Variants in CALN1 observed in about 807,000 individuals in gnomAD.
The protein encoded by CALN1 is calneuron 1, also known as calcium-binding protein 8.
A neutral mutation model predicts 30.6 loss-of-function variants in CALN1; 17 were observed. That is an observed-to-expected ratio of 0.56 (90% CI 0.38 to 0.83). The LOEUF (loss-of-function observed/expected upper bound fraction) is 0.83. CALN1 is among the 40% of genes least tolerant of loss of function. The probability of loss-of-function intolerance (pLI) is 0.00; values close to 1 mark genes in which losing one functional copy is unlikely to be tolerated. For synonymous variants in CALN1, 156 were observed against 131.4 expected (o/e 1.19, Z -1.28); for missense variants, 291 against 354.9 (o/e 0.82, Z 1.45).
intron 2 of CALN1, among the ~76,000 whole-genome samples, chr7:72,399,839 C>T (rs372133680): frequency 1.3e-5 from 2 of 152,194 alleles, no homozygotes; most frequent in East Asian, 1.9e-4. Context: ...GTCATGCAGG[C>T]GGATGCCTCA....
intron 3 of CALN1, among the ~76,000 whole-genome samples, chr7:72,153,408 T>C (rs1016773176): frequency 2.6e-5 from 4 of 151,920 alleles, no homozygotes; most frequent in African/African-American, 9.7e-5. Flanking sequence ...GCCAGGTGCA[T>C]TGGCTCACTC....
At chr7:71,837,479 C>T (rs1789691725) in intron 5 of CALN1, among the ~76,000 whole-genome samples, 1 of 152,012 alleles carries the variant, frequency 6.6e-6, no homozygotes, top group African/African-American at 2.4e-5. Context: ...AGAGAGATTC[C>T]AGGACACAAT....
chr7:72,259,921 G>A (rs1049016537), intron 3 of CALN1, among the ~76,000 whole-genome samples: 1 of 152,088 alleles, frequency 6.6e-6, no homozygotes, highest in Non-Finnish European at 1.5e-5. Context: ...ATGCAAAAAG[G>A]ATCTCATCAG....
chr7:72,071,328 C>T (rs1426803088), intron 4 of CALN1, among the ~76,000 whole-genome samples: 1 of 152,160 alleles, frequency 6.6e-6, no homozygotes, highest in Non-Finnish European at 1.5e-5. Flanking sequence ...TACACCTCTG[C>T]CCATTGTATA....
chr7:72,356,769 G>A (rs1803257173), intron 2 of CALN1, among the ~76,000 whole-genome samples: 2 of 151,916 alleles, frequency 1.3e-5, no homozygotes, highest in African/African-American at 4.8e-5. Context: ...CATAAGAGAA[G>A]AAAATCAAAA....
the CALN1 span, among the ~76,000 whole-genome samples, chr7:72,483,805 G>A: frequency 0.074 from 11,213 of 151,066 alleles, 1,387 homozygotes; most frequent in African/African-American, 0.25. Context: ...CTTTTCTCTC[G>A]GTGGTTCATT....
chr7:72,053,761 T>C (rs933454251), intron 4 of CALN1, among the ~76,000 whole-genome samples: 1 of 152,044 alleles, frequency 6.6e-6, no homozygotes, highest in African/African-American at 2.4e-5. Flanking sequence ...CACTGCACCA[T>C]ATTTGTTGTC....
intron 2 of CALN1, among the ~76,000 whole-genome samples, chr7:72,331,900 T>C (rs1801704598): frequency 1.3e-5 from 2 of 152,116 alleles, no homozygotes; most frequent in South Asian, 2.1e-4. Context: ...TGCATCCCCA[T>C]GGGTCCATAT....
intron 2 of CALN1, among the ~76,000 whole-genome samples, chr7:72,331,842 C>T (rs886810937): frequency 6.6e-6 from 1 of 151,384 alleles, no homozygotes; most frequent in Non-Finnish European, 1.5e-5. Flanking sequence ...CTTCCTGATG[C>T]TCTTCCTCCT....
At chr7:72,413,428 ACT>A (rs1343671231), upstream of CALN1, among the ~76,000 whole-genome samples, 1 of 151,896 alleles carries the variant, frequency 6.6e-6, no homozygotes, top group East Asian at 1.9e-4. Flanking sequence ...ACACACGTAC[ACT>A]CACATAGACT....
intron 6 of CALN1, among the ~76,000 whole-genome samples, chr7:71,801,428 G>GTATGTATCTATCTATCTATCTATC (rs1461292230): frequency 6.0e-4 from 53 of 87,720 alleles, no homozygotes; most frequent in Non-Finnish European, 9.0e-4. Context: ...ATGTATGTAT[G>GTATGTATCTATCTATCTATCTATC]TATCTATCTA....
intron 2 of CALN1, among the ~76,000 whole-genome samples, chr7:72,399,302 C>A (rs1396790545): frequency 4.2e-5 from 5 of 118,746 alleles, no homozygotes; most frequent in Non-Finnish European, 6.4e-5. Flanking sequence ...GATGGAGTCT[C>A]ACTCTGTCAC....
At chr7:72,085,141 C>T (rs1034048193) in intron 4 of CALN1, among the ~76,000 whole-genome samples, 1 of 152,126 alleles carries the variant, frequency 6.6e-6, no homozygotes, top group African/African-American at 2.4e-5. Context: ...TATGCCCACG[C>T]CATTCACCTC....
chr7:72,360,756 C>A (rs1289180958), intron 2 of CALN1, among the ~76,000 whole-genome samples: 3 of 151,230 alleles, frequency 2.0e-5, no homozygotes, highest in Non-Finnish European at 3.0e-5. Flanking sequence ...GAGACAGAGT[C>A]TCCCCTCTGT....
At chr7:72,051,544 T>C (rs1021814306) in intron 4 of CALN1, among the ~76,000 whole-genome samples, 1 of 152,204 alleles carries the variant, frequency 6.6e-6, no homozygotes, top group African/African-American at 2.4e-5. Context: ...ACACTCCTCA[T>C]GTTATATTAA....
intron 4 of CALN1, among the ~76,000 whole-genome samples, chr7:72,048,037 TC>T (rs1407547528): frequency 6.8e-4 from 88 of 130,154 alleles, no homozygotes; most frequent in African/African-American, 2.3e-3. Context: ...TTCTTCTTCT[TC>T]TTCTTTTTTT....
intron 6 of CALN1, among the ~76,000 whole-genome samples, chr7:71,795,925 T>C (rs1283024615): frequency 6.7e-6 from 1 of 149,946 alleles, no homozygotes; most frequent in Non-Finnish European, 1.5e-5. Flanking sequence ...TTCACGTCAT[T>C]CTCCTGCCTC....
intron 5 of CALN1, among the ~76,000 whole-genome samples, chr7:71,861,612 G>A (rs373178882): frequency 6.1e-5 from 9 of 148,592 alleles, no homozygotes; most frequent in African/African-American, 1.5e-4. Context: ...CTGTGACTAC[G>A]AAAAAAAAAA....
chr7:72,212,327 G>A (rs565960428), intron 3 of CALN1, among the ~76,000 whole-genome samples: 1 of 133,040 alleles, frequency 7.5e-6, no homozygotes, highest in African/African-American at 2.9e-5. Context: ...TCCAGCCTGG[G>A]CAACAGAGCA....
Sources: gnomAD v4.1 joint callset for allele counts (sites outside exome capture counted in the v4.1 genomes callset) on GRCh38, gnomAD v4.1.1 for gene constraint, MANE v1.5 for transcripts, NCBI Gene and HGNC (gene_info 2026-07-23, HGNC 2026-07-21) for gene names.